NFIB: variants seen among roughly 807,000 people sequenced by gnomAD.
The protein encoded by NFIB is nuclear factor I B, also known as nuclear factor 1 B-type.
A neutral mutation model predicts 61.5 loss-of-function variants in NFIB; 11 were observed. The ratio of observed to expected loss-of-function variants is 0.18; its 90% confidence interval spans 0.11 to 0.30. The LOEUF is 0.30. Among genes scored for constraint, NFIB ranks in the 10% least tolerant of loss-of-function variants. The pLI, the probability that NFIB is intolerant of heterozygous loss-of-function variation, is 1.00. For missense variants in NFIB, 471 were observed against 608.9 expected (o/e 0.77, Z 2.38); for synonymous variants, 260 against 216.5 (o/e 1.20, Z -1.76).
chr9:14,470,821 T>G, the NFIB span, among the ~76,000 whole-genome samples: 2 of 152,164 alleles, frequency 1.3e-5, no homozygotes, highest in Admixed American at 6.5e-5. Context: ...AATCACAATT[T>G]GTTGTAAGAC....
intron 1 of NFIB, chr9:14,347,407 AG>A (rs1316200639): frequency 6.6e-6 from 1 of 152,408 alleles, no homozygotes; most frequent in Non-Finnish European, 1.5e-5. Context: ...GGATAGGTGG[AG>A]GGGGAAGAGG....
At chr9:14,370,953 G>C (rs2061351269) in intron 1 of NFIB, among the ~76,000 whole-genome samples, 1 of 152,128 alleles carries the variant, frequency 6.6e-6, no homozygotes, top group South Asian at 2.1e-4. Flanking sequence ...AAATTAGCCG[G>C]GCATGATGGT....
intron 2 of NFIB, among the ~76,000 whole-genome samples, chr9:14,238,766 C>T (rs1007023409): frequency 3.3e-5 from 5 of 152,158 alleles, no homozygotes; most frequent in Non-Finnish European, 5.9e-5. Context: ...CTATTCTCCA[C>T]GTCTCTTGCC....
At chr9:14,410,855 G>C in the NFIB span, among the ~76,000 whole-genome samples, 1 of 152,102 alleles carries the variant, frequency 6.6e-6, no homozygotes, top group East Asian at 1.9e-4. Context: ...TTAAAATTCA[G>C]ACTCATTCAT....
intron 2 of NFIB, among the ~76,000 whole-genome samples, chr9:14,254,309 A>T (rs2055982744): frequency 2.0e-5 from 3 of 151,976 alleles, no homozygotes; most frequent in Admixed American, 2.0e-4. Flanking sequence ...AAAAAAAACA[A>T]AACAAAACAA....
chr9:14,512,362 C>T, the NFIB span, among the ~76,000 whole-genome samples: 1 of 151,630 alleles, frequency 6.6e-6, no homozygotes, highest in South Asian at 2.1e-4. Context: ...TTTCAGACAA[C>T]ACACTCTGTG....
intron 10 of NFIB, among the ~76,000 whole-genome samples, chr9:14,105,796 T>G (rs575165476): frequency 6.6e-6 from 1 of 152,264 alleles, no homozygotes; most frequent in Non-Finnish European, 1.5e-5. Context: ...AAGCTTCTTT[T>G]GGGGTCATGT....
At chr9:14,467,435 G>C in the NFIB span, among the ~76,000 whole-genome samples, 2 of 152,034 alleles carry the variant, frequency 1.3e-5, no homozygotes, top group Non-Finnish European at 2.9e-5. Context: ...AGAAGCCAAG[G>C]AGAGGATGGA....
the NFIB span, among the ~76,000 whole-genome samples, chr9:14,428,215 G>T: frequency 3.3e-5 from 5 of 151,848 alleles, no homozygotes; most frequent in African/African-American, 1.2e-4. Flanking sequence ...CAAAGTGCTG[G>T]GATTACAGGT....
chr9:14,300,804 G>A (rs758316441), intron 2 of NFIB, among the ~76,000 whole-genome samples: 6 of 152,172 alleles, frequency 3.9e-5, no homozygotes, highest in South Asian at 2.1e-4. Flanking sequence ...TGGCAAGAGC[G>A]CTAGTGTCAG....
chr9:14,415,069 G>C, the NFIB span, among the ~76,000 whole-genome samples: 1 of 152,330 alleles, frequency 6.6e-6, no homozygotes, highest in East Asian at 1.9e-4. Flanking sequence ...CCATAAGACT[G>C]CAAGCAGGTT....
intron 1 of NFIB, among the ~76,000 whole-genome samples, chr9:14,352,700 T>G (rs1196068578): frequency 6.6e-6 from 1 of 152,238 alleles, no homozygotes; most frequent in East Asian, 1.9e-4. Context: ...TAGATTTCAC[T>G]GCTTATCTCT....
At chr9:14,153,905 TA>T (rs1353244560) in intron 4 of NFIB, among the ~76,000 whole-genome samples, 7 of 152,278 alleles carry the variant, frequency 4.6e-5, no homozygotes, top group African/African-American at 1.7e-4. Context: ...CAGAGACACC[TA>T]TTTACATATG....
At chr9:14,381,672 G>A (rs1360508907) in intron 1 of NFIB, among the ~76,000 whole-genome samples, 18 of 152,148 alleles carry the variant, frequency 1.2e-4, no homozygotes, top group East Asian at 3.9e-4. Flanking sequence ...TTTTACCTAC[G>A]GCCTAGGACA....
At chr9:14,190,788 A>G (rs1016161445) in intron 2 of NFIB, among the ~76,000 whole-genome samples, 11 of 152,234 alleles carry the variant, frequency 7.2e-5, no homozygotes, top group South Asian at 4.1e-4. Context: ...AAGTGAAATA[A>G]TGGGTTTGAA....
At chr9:14,168,192 T>G (rs558991324) in intron 3 of NFIB, among the ~76,000 whole-genome samples, 1 of 152,356 alleles carries the variant, frequency 6.6e-6, no homozygotes, top group East Asian at 1.9e-4. Context: ...ACAGGTTATT[T>G]ATTTAGTCTA....
intron 6 of NFIB, among the ~76,000 whole-genome samples, chr9:14,143,991 A>AGTGTGTGTGTGTGTGTGTGT (rs141101627): frequency 0.016 from 2,086 of 134,150 alleles, 35 homozygotes; most frequent in Admixed American, 0.025. Context: ...AAAGTGACAG[A>AGTGTGTGTGTGTGTGTGTGT]GTGTGTGTGT....
chr9:14,383,945 T>A (rs958128481), intron 1 of NFIB, among the ~76,000 whole-genome samples: 1 of 152,106 alleles, frequency 6.6e-6, no homozygotes, highest in Non-Finnish European at 1.5e-5. Flanking sequence ...TCATCCAATC[T>A]CCTCACAATT....
rs141683362 is a variant in NFIB, at chr9:14,129,327, C to T, written c.926-3561G>A. On this transcript the variant is annotated intron_variant, in intron 6 of 10. Transcript: ENST00000380953. ...GCCCATTAATAAAAATACACTGCTA[C>T]ACAGCATGCAGAAGGCACTATGCTA... Among the ~76,000 whole-genome samples, 15 of 148,308 alleles carry T rather than the reference C, an allele frequency of 1.0e-4. No homozygotes were observed. In the East Asian group the frequency reaches 2.6e-3, roughly 25 times the overall value.
Sources: allele counts gnomAD v4.1 joint callset (sites outside exome capture counted in the v4.1 genomes callset), GRCh38; gene constraint gnomAD v4.1.1; transcripts MANE v1.5; gene names NCBI Gene and HGNC (gene_info 2026-07-23, HGNC 2026-07-21).